Variants in ADAMTS14 observed in about 807,000 individuals in gnomAD.
ADAMTS14 encodes the protein A disintegrin and metalloproteinase with thrombospondin motifs 14.
ADAMTS14 carries 100 observed loss-of-function variants against 128.6 expected under a neutral mutation model. That is an observed-to-expected ratio of 0.78 (90% CI 0.66 to 0.92). ADAMTS14 has a LOEUF of 0.92. Ranked by LOEUF, ADAMTS14 falls within the 40% of genes least tolerant of loss-of-function variation. The pLI, the probability that ADAMTS14 is intolerant of heterozygous loss-of-function variation, is 0.00. For missense variants in ADAMTS14, 1,562 were observed against 1,658.6 expected, an observed-to-expected ratio of 0.94 and a Z score of 1.01; for synonymous variants, 665 against 653.8, an observed-to-expected ratio of 1.02 and a Z score of -0.26.
At chr10:70,679,867 A>G (rs986365450) in intron 2 of ADAMTS14, among the ~76,000 whole-genome samples, 1 of 152,166 alleles carries the variant, frequency 6.6e-6, no homozygotes, top group Non-Finnish European at 1.5e-5. Flanking sequence ...ATCCCAGCCC[A>G]GCTGCTCACC....
rs777338320 is a variant in ADAMTS14 at position 70,753,932 on chromosome 10, G to A, written c.2862G>A (p.Gly954=). The A allele has an allele frequency of 1.4e-5, 23 of 1,588,170 alleles. No individual in the cohort carries two copies. The South Asian group carries it at 2.7e-4, about 18-fold the overall frequency. ...HKVMPAKACA[G]DRPEARRPCL... Reference sequence around the variant, plus strand: ...TCATGCCGGCCAAAGCCTGCGCCGGGGACCGGCCTGAGGCCCGACGGCCCT... The same window carrying A: ...TCATGCCGGCCAAAGCCTGCGCCGGAGACCGGCCTGAGGCCCGACGGCCCT... Residue 954 remains glycine (G), a synonymous_variant, in exon 19 of 22, where the codon GGG becomes GGA. Transcript: ENST00000373207.
At chr10:70,743,939 C>T (rs1032854338) in intron 13 of ADAMTS14, 127 bp from the exon 14 acceptor site, 2 of 1,328,962 alleles carry the variant, frequency 1.5e-6, no homozygotes, top group Non-Finnish European at 2.0e-6. Flanking sequence ...GTGCCAGAAT[C>T]CTGTCCAGGG....
intron 4 of ADAMTS14, among the ~76,000 whole-genome samples, chr10:70,713,369 G>A (rs1016032918): frequency 6.6e-6 from 1 of 152,226 alleles, no homozygotes; most frequent in Non-Finnish European, 1.5e-5. Flanking sequence ...TCTTGTGGTT[G>A]CAGGTGACAG....
At chr10:70,752,615 C>A (rs1014642764) in intron 18 of ADAMTS14, among the ~76,000 whole-genome samples, 18 of 152,152 alleles carry the variant, frequency 1.2e-4, no homozygotes, top group Non-Finnish European at 1.0e-4. Context: ...GAACCTGTTG[C>A]AGAGCCGGCC....
rs570736828 is a variant in ADAMTS14 at position 70,677,418 on chromosome 10, ACT to A, written c.522+2424_522+2425del. On this transcript the variant is annotated intron_variant, in intron 2 of 21. Coordinates refer to ENST00000373207, the MANE Select transcript of ADAMTS14 (RefSeq NM_080722.4). ...ACTCTTCTCATTTGTCCAAAGAGGG[ACT>A]ATACTTGATATTCCCTGGAAGATGG... is the stretch of plus-strand genomic sequence containing the variant. Among the ~76,000 whole-genome samples the A allele has an allele frequency of 2.7e-4, 41 of 152,170 alleles. 2 individuals are homozygous for A. The South Asian group carries it at 7.9e-3, about 29-fold the overall frequency.
intron 21 of ADAMTS14, among the ~76,000 whole-genome samples, chr10:70,759,829 T>G (rs1038588004): frequency 2.0e-5 from 3 of 152,138 alleles, no homozygotes; most frequent in Non-Finnish European, 4.4e-5. Context: ...GGTTCCCACT[T>G]CCATCCAGAG....
At chr10:70,702,039 G>T (rs569349655) in intron 2 of ADAMTS14, among the ~76,000 whole-genome samples, 7 of 152,072 alleles carry the variant, frequency 4.6e-5, no homozygotes, top group Admixed American at 6.5e-5. Flanking sequence ...ATTTTATGTA[G>T]AGCCCCATGG....
intron 4 of ADAMTS14, among the ~76,000 whole-genome samples, chr10:70,722,759 AC>A (rs1289512980): frequency 6.6e-6 from 1 of 152,240 alleles, no homozygotes; most frequent in East Asian, 1.9e-4. Context: ...AAAACAAATC[AC>A]AGAGAATTAT....
intron 19 of ADAMTS14, among the ~76,000 whole-genome samples, chr10:70,756,391 G>T (rs941537722): frequency 1.3e-5 from 2 of 152,146 alleles, no homozygotes; most frequent in African/African-American, 4.8e-5. Context: ...AAAACAGATT[G>T]CTGGTCTTCA....
At chr10:70,720,582 C>T (rs79236432) in intron 4 of ADAMTS14, among the ~76,000 whole-genome samples, 3,866 of 152,286 alleles carry the variant, frequency 0.025, 137 homozygotes, top group African/African-American at 0.083. Context: ...CTGGCTACTG[C>T]GAGGGTCAGC....
chr10:70,680,510 A>C (rs569049805), intron 2 of ADAMTS14, among the ~76,000 whole-genome samples: 1 of 152,332 alleles, frequency 6.6e-6, no homozygotes, highest in African/African-American at 2.4e-5. Context: ...GAAATAGTCT[A>C]GTTTGGGGGA....
At chr10:70,700,643 C>T (rs1218559684) in intron 2 of ADAMTS14, among the ~76,000 whole-genome samples, 4 of 152,172 alleles carry the variant, frequency 2.6e-5, no homozygotes, top group African/African-American at 7.2e-5. Context: ...GTACCTTCCC[C>T]TTCAGGCCAG....
intron 3 of ADAMTS14, among the ~76,000 whole-genome samples, chr10:70,706,808 C>T (rs186248210): frequency 6.6e-6 from 1 of 152,350 alleles, no homozygotes; most frequent in South Asian, 2.1e-4. Context: ...CCTGTGTGTT[C>T]CCTGTTACCT....
At chr10:70,701,285 A>C (rs1381988615) in intron 2 of ADAMTS14, among the ~76,000 whole-genome samples, 7 of 152,218 alleles carry the variant, frequency 4.6e-5, no homozygotes, top group Non-Finnish European at 1.0e-4. Context: ...AGGTCTAGTG[A>C]ATTTATAAAA....
At chr10:70,692,465 GC>G (rs1403631526) in intron 2 of ADAMTS14, among the ~76,000 whole-genome samples, 1 of 152,280 alleles carries the variant, frequency 6.6e-6, no homozygotes, top group East Asian at 1.9e-4. Flanking sequence ...CCCCAGCGAA[GC>G]CTCTACACTA....
intron 4 of ADAMTS14, among the ~76,000 whole-genome samples, chr10:70,723,528 T>C (rs1431909208): frequency 6.6e-6 from 1 of 152,246 alleles, no homozygotes; most frequent in Non-Finnish European, 1.5e-5. Context: ...CTAAAGTTAT[T>C]TTAAAATAAA....
In ADAMTS14 at chr10:70,738,954, G is replaced by A. The variant is rs1287992681; in HGVS notation, c.1712G>A (p.Gly571Glu). 6.2e-7 allele frequency: 1 copy of A among 1,613,536 alleles called. No homozygotes were observed. The highest frequency in any genetic ancestry group is 1.1e-5 in the South Asian group (1 of 91,064). The change falls in exon 11 of 22, where the codon GGG becomes GAG. Residue 571 changes from glycine (G) to glutamate (E), a missense_variant. Physicochemically the swap from Gly to Glu is moderately conservative, Grantham distance 98 (BLOSUM62 -2). Coordinates refer to ENST00000373207, the MANE Select transcript of ADAMTS14 (RefSeq NM_080722.4). ...TCATGTTCGCGGTCATGTGGGGGCGGGGTGCGATCCCGCAGCCGGAGCTGC... is the reference window on the plus strand; with the variant it reads ...TCATGTTCGCGGTCATGTGGGGGCGAGGTGCGATCCCGCAGCCGGAGCTGC... Reference protein sequence around the residue: ...FGSCSRSCGGGVRSRSRSCNN... With the variant: ...FGSCSRSCGGEVRSRSRSCNN...
At chr10:70,735,642 T>TCCCC (rs1198122172) in intron 9 of ADAMTS14, among the ~76,000 whole-genome samples, 5 of 152,314 alleles carry the variant, frequency 3.3e-5, no homozygotes, top group Non-Finnish European at 7.4e-5. Flanking sequence ...TCCCACACCC[T>TCCCC]CCGGGGATGT....
In ADAMTS14 at chr10:70,688,366, C is replaced by T. The variant is rs1238335647; in HGVS notation, c.522+13371C>T. ...AGATGGGATGGCCGCCGGGCAGAGA[C>T]GCTCCTCACTTTCCAGACTGGGCAG... On this transcript the variant is annotated intron_variant, in intron 2 of 21. Coordinates refer to ENST00000373207, the MANE Select transcript of ADAMTS14 (RefSeq NM_080722.4). Among the ~76,000 whole-genome samples the T allele has an allele frequency of 5.2e-4, 51 of 98,588 alleles. 4 individuals are homozygous for T. The highest frequency in any genetic ancestry group is 1.0e-3 in the African/African-American group (31 of 29,900). The allele number at this position is 98,588 out of a possible 152,430, so 64.7% of individuals were successfully genotyped here.
Sources: gnomAD v4.1 joint callset for allele counts (sites outside exome capture counted in the v4.1 genomes callset) on GRCh38, gnomAD v4.1.1 for gene constraint, MANE v1.5 for transcripts, NCBI Gene and HGNC (gene_info 2026-07-23, HGNC 2026-07-21) for gene names.